The following NAPEPLD variants were observed in gnomAD, a reference collection of about 807,000 sequenced individuals.
The protein encoded by NAPEPLD is N-acyl-phosphatidylethanolamine-hydrolyzing phospholipase D.
NAPEPLD carries 23 observed loss-of-function variants against 38.1 expected under a neutral mutation model. That is an observed-to-expected ratio of 0.60 (90% CI 0.43 to 0.86). The LOEUF is 0.86. NAPEPLD is among the 40% of genes least tolerant of loss of function. NAPEPLD has a pLI of 0.00. For synonymous variants in NAPEPLD, 147 were observed against 162.0 expected (o/e 0.91, Z 0.71); for missense variants, 411 against 476.8 (o/e 0.86, Z 1.28).
Position 103,103,382 on chromosome 7 carries a change from A to C in NAPEPLD, c.*47T>G. The C allele has an allele frequency of 4.6e-6, 7 of 1,516,656 alleles. No homozygotes were observed. Among genetic ancestry groups the C allele is most frequent in the Non-Finnish European group, 6.2e-6 (7 of 1,132,724 alleles). 93.9% of individuals were successfully genotyped at this position (1,516,656 alleles called of 1,614,324 possible). ...TTCTAAGTCTTTTCATTTGTTTTTA[A>C]ACTTAGATGATGCCTTTTTCATTAA... On this transcript the variant is annotated 3_prime_UTR_variant, in exon 5 of 5. Coordinates refer to ENST00000465647, the MANE Select transcript of NAPEPLD (RefSeq NM_001122838.3).
chr7:103,123,369 C>T (rs1486925319), intron 2 of NAPEPLD, among the ~76,000 whole-genome samples: 1 of 152,130 alleles, frequency 6.6e-6, no homozygotes, highest in Non-Finnish European at 1.5e-5. Context: ...TGTCAACTTT[C>T]AATCAGTTCT....
chr7:103,136,944 G>A (rs1412807332), intron 1 of NAPEPLD, among the ~76,000 whole-genome samples: 1 of 152,082 alleles, frequency 6.6e-6, no homozygotes, highest in Non-Finnish European at 1.5e-5. Context: ...TTGTTTGTTT[G>A]TTTGTTTGTT....
intron 1 of NAPEPLD, among the ~76,000 whole-genome samples, chr7:103,134,452 C>T (rs1240550390): frequency 6.6e-6 from 1 of 152,044 alleles, no homozygotes; most frequent in Admixed American, 6.5e-5. Flanking sequence ...GAGTTCGAGA[C>T]CAGCCTGGCC....
chr7:103,149,153 A>G, upstream of NAPEPLD: 1 of 991,464 alleles, frequency 1.0e-6, no homozygotes, highest in Non-Finnish European at 1.2e-6. Context: ...CACAGAGCAC[A>G]GCAGGCGGGA....
At chr7:103,120,327 A>T (rs1558853) in intron 2 of NAPEPLD, 104 bp from the exon 3 acceptor site, 1,277,119 of 1,307,928 alleles carry the variant, frequency 0.98, 628,476 homozygotes, top group East Asian at 1. Flanking sequence ...GAGCTGTTTT[A>T]AGAGAACTAA....
At chr7:103,107,465 G>A (rs1474696606) in intron 4 of NAPEPLD, among the ~76,000 whole-genome samples, 1 of 152,128 alleles carries the variant, frequency 6.6e-6, no homozygotes, top group Non-Finnish European at 1.5e-5. Context: ...AGCTAAAGGA[G>A]CGTATTCTAA....
chr7:103,136,565 G>A (rs372017303), intron 1 of NAPEPLD, among the ~76,000 whole-genome samples: 326 of 141,606 alleles, frequency 2.3e-3, no homozygotes, highest in Middle Eastern at 0.015. Flanking sequence ...CAGCCTGGGC[G>A]ACAGAGCAAG....
intron 1 of NAPEPLD, among the ~76,000 whole-genome samples, chr7:103,140,738 G>C (rs1811121864): frequency 6.6e-6 from 1 of 152,084 alleles, no homozygotes; most frequent in South Asian, 2.1e-4. Context: ...GGAGTCACCA[G>C]AAGGCTCTCA....
chr7:103,140,706 T>C (rs1811113566), intron 1 of NAPEPLD, among the ~76,000 whole-genome samples: 1 of 152,164 alleles, frequency 6.6e-6, no homozygotes, highest in Non-Finnish European at 1.5e-5. Flanking sequence ...TCATAGTTCC[T>C]TGTGGCCTCA....
intron 3 of NAPEPLD, among the ~76,000 whole-genome samples, chr7:103,116,405 G>A (rs535494954): frequency 6.6e-6 from 1 of 152,246 alleles, no homozygotes; most frequent in Middle Eastern, 3.4e-3. Flanking sequence ...AATAAGTCCT[G>A]CCTCACTGTT....
intron 4 of NAPEPLD, among the ~76,000 whole-genome samples, chr7:103,112,653 G>C (rs1203639249): frequency 6.6e-6 from 1 of 151,948 alleles, no homozygotes; most frequent in Non-Finnish European, 1.5e-5. Context: ...ACCTAATGTA[G>C]ATGAAGGGTT....
chr7:103,116,744 C>T (rs1194438372), intron 3 of NAPEPLD, among the ~76,000 whole-genome samples: 1 of 152,152 alleles, frequency 6.6e-6, no homozygotes, highest in Non-Finnish European at 1.5e-5. Context: ...AGAGCGAGGG[C>T]TCAGGAGGCA....
chr7:103,114,106 A>G (rs1380944687), intron 4 of NAPEPLD, among the ~76,000 whole-genome samples: 1 of 151,800 alleles, frequency 6.6e-6, no homozygotes, highest in South Asian at 2.1e-4. Context: ...CATGTTGGCC[A>G]GGCTGGTCTC....
chr7:103,136,164 G>A (rs1263162834), intron 1 of NAPEPLD, among the ~76,000 whole-genome samples: 1 of 151,916 alleles, frequency 6.6e-6, no homozygotes, highest in Admixed American at 6.6e-5. Flanking sequence ...CTACTCGGGA[G>A]GTTGAGGCAG....
chr7:103,123,569 CAA>C (rs1441992740), intron 2 of NAPEPLD, among the ~76,000 whole-genome samples: 1 of 152,126 alleles, frequency 6.6e-6, no homozygotes, highest in African/African-American at 2.4e-5. Context: ...TAACACAAAA[CAA>C]AATACTATTA....
chr7:103,127,884 T>C (rs1344756185), intron 2 of NAPEPLD: 1 of 152,600 alleles, frequency 6.6e-6, no homozygotes, highest in Non-Finnish European at 1.5e-5. Flanking sequence ...TCTAACAGAA[T>C]AGAAGAAGGC....
At chr7:103,122,908 G>A (rs770021990) in intron 2 of NAPEPLD, among the ~76,000 whole-genome samples, 1 of 152,178 alleles carries the variant, frequency 6.6e-6, no homozygotes, top group African/African-American at 2.4e-5. Context: ...AGTCTCCTCT[G>A]CTGCAAAATC....
At chr7:103,118,949 C>G (rs1020762248) in intron 3 of NAPEPLD, among the ~76,000 whole-genome samples, 2 of 152,120 alleles carry the variant, frequency 1.3e-5, no homozygotes, top group East Asian at 1.9e-4. Flanking sequence ...GAAATAAAAC[C>G]CTCACCAGGG....
chr7:103,127,022 T>C (rs995853577), intron 2 of NAPEPLD: 3 of 152,066 alleles, frequency 2.0e-5, no homozygotes, highest in African/African-American at 7.2e-5. Context: ...CTATAACTAA[T>C]AGTCATTTTA....
Sources: gnomAD v4.1 joint callset for allele counts (sites outside exome capture counted in the v4.1 genomes callset) on GRCh38, gnomAD v4.1.1 for gene constraint, MANE v1.5 for transcripts, NCBI Gene and HGNC (gene_info 2026-07-23, HGNC 2026-07-21) for gene names.